The following HYOU1 variants were observed in gnomAD, a reference collection of about 807,000 sequenced individuals.
HYOU1 encodes the protein hypoxia up-regulated 1.
In HYOU1, 40 loss-of-function variants were observed where a neutral mutation model predicts 120.5. That is an observed-to-expected ratio of 0.33 (90% confidence interval 0.26 to 0.43). The LOEUF is 0.43. Among genes scored for constraint, HYOU1 ranks in the 20% least tolerant of loss-of-function variants. HYOU1 has a pLI of 1.00. For synonymous variants in HYOU1, 501 were observed against 479.4 expected, an observed-to-expected ratio of 1.05 and a Z score of -0.59; for missense variants, 1,085 against 1,278.3, an observed-to-expected ratio of 0.85 and a Z score of 2.31.
rs2133561593 is a variant in HYOU1, at chr11:119,048,185, T to C, written c.2376+63A>G. The C allele has an allele frequency of 1.3e-5, 21 of 1,607,924 alleles. No individual in the cohort carries two copies. Among genetic ancestry groups the C allele is most frequent in the Non-Finnish European group, 1.8e-5 (21 of 1,177,652 alleles). ...GCTCAAGCCCCAGCTCTTCTCTCTC[T>C]CTGACCCTGGGAGAGGAAGGAGAGC... On this transcript the variant is annotated intron_variant, in intron 20 of 25. Transcript: ENST00000617285. The surrounding 1 kb of genome is among the most constrained non-coding windows in gnomAD (Gnocchi z 4.7).
rs1944496954 is a variant in HYOU1 at position 119,052,441 on chromosome 11, T to C, written c.988-12A>G. On this transcript the variant is annotated splice_polypyrimidine_tract_variant and intron_variant, in intron 9 of 25. Transcript: ENST00000617285. The surrounding 1 kb of genome is among the most constrained non-coding windows in gnomAD (Gnocchi z 5.0). ...ATCAGGCCTTCAATCTGGGAGAGGA[T>C]GGGGACTGTCAGGGGGTTCTTGCCC... 1.2e-6 allele frequency: 2 copies of C among 1,613,998 alleles called. No individual in the cohort carries two copies. Among genetic ancestry groups the C allele is most frequent in the Non-Finnish European group, 8.5e-7 (1 of 1,180,016 alleles).
In HYOU1 at chr11:119,057,030, C is replaced by G. The variant is rs1333044667; in HGVS notation, c.-18G>C. The G allele has an allele frequency of 6.6e-6, 1 of 152,400 alleles. No homozygotes were observed. The highest frequency in any genetic ancestry group is 2.4e-5 in the African/African-American group (1 of 41,436). 9.4% of individuals were successfully genotyped at this position (152,400 alleles called of 1,614,324 possible). A position where few individuals can be genotyped will look rare whatever the true frequency, so the allele number is the denominator to read the frequency against. ...ATCCACCCCCGCTACCTCTTGCCTC[C>G]GCTCCTGCGGCCCCAGCTCTGGGAC... On this transcript the variant is annotated 5_prime_UTR_variant, in exon 1 of 26. Coordinates refer to ENST00000617285, the MANE Select transcript of HYOU1 (RefSeq NM_006389.5).
At position 119,045,632 on chromosome 11, in the gene HYOU1, C is replaced by T. The variant is rs782684099; in HGVS notation, c.2961G>A (p.Ser987=). 5.6e-6 allele frequency: 9 copies of T among 1,614,186 alleles called. No homozygotes were observed. The highest frequency in any genetic ancestry group is 5.0e-5 in the Admixed American group (3 of 60,018). The part of the protein sequence containing the change: ...PGAEPEQKEQ[S]TGQKRPLKND... ...TCTTCAAAGGCCGCTTCTGTCCTGT[C>T]GATTGTTCTTTCTGTTCAGGTTCTG... The change falls in exon 26 of 26, where the codon TCG becomes TCA. Residue 987 remains serine, a synonymous_variant. Coordinates refer to ENST00000617285, the MANE Select transcript of HYOU1 (RefSeq NM_006389.5).
intron 1 of HYOU1, 145 bp from the exon 2 acceptor site, chr11:119,056,312 C>G: frequency 1.4e-6 from 1 of 706,036 alleles, no homozygotes; most frequent in Non-Finnish European, 2.6e-6. Flanking sequence ...CCCCTTCTCC[C>G]TCCTGATGGG....
rs2133611167 is a variant in HYOU1 at position 119,055,209 on chromosome 11, T to C, written c.395A>G (p.Gln132Arg). ...EHELTFDPQR[Q>R]TVHFQISSQL... The stretch of plus-strand genomic sequence containing the variant: ...CGAGCTGATCTGAAAGTGCACAGTC[T>C]GCCTCTGTGGGTCGAAAGTCAGCTC... The change falls in exon 5 of 26, where the codon CAG (glutamine) becomes CGG (arginine). Residue 132 changes from glutamine to arginine, a missense_variant. Around this residue, in one of 4 missense-constraint regions of HYOU1, gnomAD observed 515 missense variants for 677.8 expected, o/e 0.76. Coordinates refer to ENST00000617285, the MANE Select transcript of HYOU1 (RefSeq NM_006389.5). This position sits in a 1 kb window ranked among gnomAD's most constrained non-coding sequence, Gnocchi z 4.0. The C allele has an allele frequency of 1.2e-6, 2 of 1,614,140 alleles. No individual in the cohort carries two copies. The highest frequency in any genetic ancestry group is 2.2e-5 in the South Asian group (2 of 91,080).
Position 119,051,019 on chromosome 11 carries a change from A to T in HYOU1, c.1665+16T>A. The stretch of plus-strand genomic sequence containing the variant: ...TGAGCCCCTGCTCTGCACACAGGGT[A>T]TCCTTTAGCTCTCACCCTGTCTAGA... On this transcript the variant is annotated intron_variant, in intron 14 of 25. Transcript: ENST00000617285. This position sits in a 1 kb window ranked among gnomAD's most constrained non-coding sequence, Gnocchi z 4.2. The T allele has an allele frequency of 1.9e-6, 3 of 1,614,066 alleles. No homozygotes were observed. Among genetic ancestry groups the T allele is most frequent in the Non-Finnish European group, 2.5e-6 (3 of 1,179,954 alleles).
At chr11:119,050,838 T>C (rs1281519452) in intron 14 of HYOU1, among the ~76,000 whole-genome samples, 197 bp downstream of exon 14, 1 of 151,482 alleles carries the variant, frequency 6.6e-6, no homozygotes, top group African/African-American at 2.4e-5. Context: ...CCAAGAAATT[T>C]ACAATGCCTA....
rs2133613440 is a variant in HYOU1, at chr11:119,055,463, C to T, written c.264+30G>A. ...GCTGCCATCTCCTCTCCTCTGCCCA[C>T]CACTCTGGGAAGAGGGACTGCTAGC... On this transcript the variant is annotated intron_variant, in intron 4 of 25. Coordinates refer to ENST00000617285, the MANE Select transcript of HYOU1 (RefSeq NM_006389.5). This position sits in a 1 kb window ranked among gnomAD's most constrained non-coding sequence, Gnocchi z 4.0. The T allele has an allele frequency of 1.9e-5, 31 of 1,606,020 alleles. No individual in the cohort carries two copies. The highest frequency in any genetic ancestry group is 2.5e-5 in the Non-Finnish European group (29 of 1,172,842).
chr11:119,047,317 G>C (rs1366029826), intron 22 of HYOU1: 1 of 217,070 alleles, frequency 4.6e-6, no homozygotes, highest in East Asian at 1.2e-4. Context: ...TAAGTGCTGG[G>C]ATTACAGGCG....
In HYOU1 at chr11:119,048,827, C is replaced by G; in HGVS notation, c.2052G>C (p.Glu684Asp). The change falls in exon 18 of 26, where the codon GAG (glutamate) becomes GAC (aspartate). Residue 684 changes from glutamate to aspartate, a missense_variant. Physicochemically the swap from Glu to Asp is conservative, Grantham distance 45 (BLOSUM62 2). Coordinates refer to ENST00000617285, the MANE Select transcript of HYOU1 (RefSeq NM_006389.5). The surrounding 1 kb of genome is among the most constrained non-coding windows in gnomAD (Gnocchi z 4.7). ...PEGVAPAPEG[E>D]KKQKPARKRR... ...GCTTCCTGGCGGGCTTCTGCTTCTT[C>G]TCTCCCTCTGGGGCTGGAGCGACGC... The G allele has an allele frequency of 6.2e-7, 1 of 1,614,110 alleles. No individual in the cohort carries two copies.
At chr11:119,054,044 C>A in intron 8 of HYOU1, 77 bp downstream of exon 8, 1 of 848,946 alleles carries the variant, frequency 1.2e-6, no homozygotes. Context: ...GAAAGCAAAG[C>A]AGTGTGTCTC....
In HYOU1 at chr11:119,046,802, C is replaced by T; in HGVS notation, c.2596G>A (p.Ala866Thr). Residue 866 changes from alanine (A) to threonine (T), a missense_variant and splice_region_variant, in exon 23 of 26, where the codon GCC (alanine) becomes ACC (threonine). Coordinates refer to ENST00000617285, the MANE Select transcript of HYOU1 (RefSeq NM_006389.5). ...TLEKVINETW[A>T]WKNATLAEQA... ...TCGGCCAGAGTTGCATTCTTCCAGG[C>T]CTGTGGGTGAGACCAGGAGAGGCTC... 1 of 1,599,222 alleles carries T rather than the reference C, an allele frequency of 6.3e-7. No individual in the cohort carries two copies.
At position 119,051,720 on chromosome 11, in the gene HYOU1, A is replaced by C; in HGVS notation, c.1339-95T>G. 1.3e-6 allele frequency: 2 copies of C among 1,596,328 alleles called. No homozygotes were observed. Among genetic ancestry groups the C allele is most frequent in the Non-Finnish European group, 1.7e-6 (2 of 1,166,702 alleles). On this transcript the variant is annotated intron_variant, in intron 12 of 25. Coordinates refer to ENST00000617285, the MANE Select transcript of HYOU1 (RefSeq NM_006389.5). This position sits in a 1 kb window ranked among gnomAD's most constrained non-coding sequence, Gnocchi z 4.2. ...GGGGGTGGGATGGGGGAGACCTCTT[A>C]GCAGAAAGACAAAGGGATGAGCCAG...
Position 119,045,188 on chromosome 11 carries a change from A to G in HYOU1, c.*405T>C, listed in dbSNP as rs1437670130. ...GATGCTCATCGCATGGTGGGAGAGGAAGGGAGGGAAGGAACAATCACCAGA... is the reference window on the plus strand; with the variant it reads ...GATGCTCATCGCATGGTGGGAGAGGGAGGGAGGGAAGGAACAATCACCAGA... On this transcript the variant is annotated 3_prime_UTR_variant, in exon 26 of 26. Transcript: ENST00000617285. 2.2e-6 allele frequency: 1 copy of G among 459,800 alleles called. No individual in the cohort carries two copies. The highest frequency in any genetic ancestry group is 6.8e-5 in the East Asian group (1 of 14,652). 28.5% of individuals were successfully genotyped at this position (459,800 alleles called of 1,614,324 possible).
chr11:119,051,157 T>C lies in HYOU1; in HGVS notation c.1543A>G (p.Asn515Asp). The C allele has an allele frequency of 6.2e-7, 1 of 1,614,228 alleles. No homozygotes were observed. Among genetic ancestry groups the C allele is most frequent in the Non-Finnish European group, 8.5e-7 (1 of 1,180,032 alleles). The change falls in exon 14 of 26, where the codon AAT becomes GAT. Residue 515 changes from asparagine to aspartate, a missense_variant. Asn to Asp is a conservative substitution (Grantham distance 23, BLOSUM62 1). Around this residue, in one of 4 missense-constraint regions of HYOU1, gnomAD observed 515 missense variants for 677.8 expected, o/e 0.76. Coordinates refer to ENST00000617285, the MANE Select transcript of HYOU1 (RefSeq NM_006389.5). This position sits in a 1 kb window ranked among gnomAD's most constrained non-coding sequence, Gnocchi z 4.2. The part of the protein sequence containing the change: ...PEDLRVFGSQ[N>D]LTTVKLKGVG... ...CCTTTTAGCTTCACTGTGGTCAGAT[T>C]CTGGGAGCCAAATACCCTGGTTGGG... is the stretch of plus-strand genomic sequence containing the variant.
chr11:119,049,342 G>A (rs1944278415), intron 16 of HYOU1, 139 bp from the exon 17 acceptor site: 3 of 1,554,336 alleles, frequency 1.9e-6, no homozygotes, highest in Non-Finnish European at 2.6e-6. Flanking sequence ...CTTGGACTGT[G>A]GCAATCTAGC....
intron 7 of HYOU1, 70 bp from the exon 8 acceptor site, chr11:119,054,306 C>T: frequency 7.5e-7 from 1 of 1,326,384 alleles, no homozygotes; most frequent in South Asian, 1.2e-5. Context: ...GCCCACCCAC[C>T]TGCTTCCAAT....
rs2133562373 is a variant in HYOU1 at position 119,048,291 on chromosome 11, G to T, written c.2333C>A (p.Ala778Glu). The change falls in exon 20 of 26, where the codon GCA becomes GAA. Residue 778 changes from alanine (A) to glutamate (E), a missense_variant. Ala to Glu is a moderately radical substitution (Grantham distance 107). This residue lies in a region of HYOU1 where 516 missense variants were observed against 517.1 expected (regional missense o/e 1.00). Coordinates refer to ENST00000617285, the MANE Select transcript of HYOU1 (RefSeq NM_006389.5). The surrounding 1 kb of genome is among the most constrained non-coding windows in gnomAD (Gnocchi z 4.7). The part of the protein sequence containing the change: ...REEISGKLSA[A>E]STWLEDEGVG... Reference sequence around the variant, plus strand: ...ACCCTCATCCTCCAGCCAGGTGGATGCGGCGCTGAGCTTCCCAGAGATCTC... The same window carrying T: ...ACCCTCATCCTCCAGCCAGGTGGATTCGGCGCTGAGCTTCCCAGAGATCTC... 3 of 1,611,348 alleles carry T rather than the reference G, an allele frequency of 1.9e-6. No homozygotes were observed. In the Admixed American group the frequency reaches 5.0e-5, roughly 27 times the overall value.
rs2133562261 is a variant in HYOU1, at chr11:119,048,275, C to T, written c.2349G>A (p.Glu783=). 1.9e-6 allele frequency: 3 copies of T among 1,611,602 alleles called. No homozygotes were observed. Among genetic ancestry groups the T allele is most frequent in the Non-Finnish European group, 2.5e-6 (3 of 1,180,008 alleles). Residue 783 remains glutamate, a synonymous_variant, in exon 20 of 26, where the codon GAG becomes GAA. Coordinates refer to ENST00000617285, the MANE Select transcript of HYOU1 (RefSeq NM_006389.5). This position sits in a 1 kb window ranked among gnomAD's most constrained non-coding sequence, Gnocchi z 4.7. ...GKLSAASTWL[E]DEGVGATTVM... is the part of the protein sequence containing the mutation. The stretch of plus-strand genomic sequence containing the variant: ...CTGTGGTGGCTCCAACACCCTCATC[C>T]TCCAGCCAGGTGGATGCGGCGCTGA...
Sources: allele counts gnomAD v4.1 joint callset (sites outside exome capture counted in the v4.1 genomes callset), GRCh38; gene constraint gnomAD v4.1.1; regional missense constraint gnomAD v4.1.1; non-coding constraint Gnocchi (gnomAD v3.1); transcripts MANE v1.5; gene names NCBI Gene and HGNC (gene_info 2026-07-23, HGNC 2026-07-21).